Variants in CUBN observed in about 807,000 individuals in gnomAD.
CUBN encodes the protein cubilin, also known as 460 kDa receptor.
In CUBN, 282 loss-of-function variants were observed where a neutral mutation model predicts 405.3. The ratio of observed to expected loss-of-function variants is 0.70; its 90% confidence interval spans 0.63 to 0.77. CUBN has a LOEUF of 0.77. Ranked by LOEUF, CUBN falls within the 30% of genes least tolerant of loss-of-function variation. The pLI is 0.00. For missense variants in CUBN, 4,514 were observed against 4,475.2 expected, an observed-to-expected ratio of 1.01 and a Z score of -0.25; for synonymous variants, 1,684 against 1,617.0, an observed-to-expected ratio of 1.04 and a Z score of -0.99.
At chr10:16,907,091 G>A (rs1407250810) in intron 49 of CUBN, among the ~76,000 whole-genome samples, 1 of 152,214 alleles carries the variant, frequency 6.6e-6, no homozygotes, top group Non-Finnish European at 1.5e-5. Flanking sequence ...CTGGAAATAT[G>A]TGTGTGGATA....
intron 27 of CUBN, among the ~76,000 whole-genome samples, chr10:17,025,950 G>T (rs1219723300): frequency 6.6e-6 from 1 of 152,172 alleles, no homozygotes; most frequent in South Asian, 2.1e-4. Flanking sequence ...GAAACCAGAG[G>T]CTGTTAAGGC....
At chr10:16,843,242 T>A (rs1448430707) in intron 60 of CUBN, among the ~76,000 whole-genome samples, 1 of 152,124 alleles carries the variant, frequency 6.6e-6, no homozygotes, top group Admixed American at 6.5e-5. Flanking sequence ...CTGAAACACA[T>A]AACTAGAAAA....
At chr10:16,871,174 TCCACCACCATGC>T (rs1840342300) in intron 58 of CUBN, among the ~76,000 whole-genome samples, 1 of 151,746 alleles carries the variant, frequency 6.6e-6, no homozygotes, top group Non-Finnish European at 1.5e-5. Context: ...ATTACAGGTG[TCCACCACCATGC>T]CTGGCTATTT....
intron 36 of CUBN, among the ~76,000 whole-genome samples, chr10:16,946,650 C>CA (rs1316920456): frequency 6.6e-6 from 1 of 152,006 alleles, no homozygotes; most frequent in Non-Finnish European, 1.5e-5. Context: ...TGCCCGCCAC[C>CA]ACTCCTGGCT....
At chr10:17,106,367 C>T (rs138427709) in intron 10 of CUBN, among the ~76,000 whole-genome samples, 3,940 of 113,938 alleles carry the variant, frequency 0.035, 178 homozygotes, top group African/African-American at 0.1. Context: ...TTTGGGAGGC[C>T]GAGGCAGGCG....
At position 16,945,988 on chromosome 10, in the gene CUBN, C is replaced by T. The variant is rs75330002; in HGVS notation, c.5342+1247G>A. On this transcript the variant is annotated intron_variant, in intron 36 of 66. Transcript: ENST00000377833. The stretch of plus-strand genomic sequence containing the variant: ...GTTGTCCCATATTTTTAATCAGTTC[C>T]TGATGCACAGATTAGCAAGTCTTGG... Among the ~76,000 whole-genome samples the T allele has an allele frequency of 5.3e-3, 806 of 152,174 alleles. 10 individuals carry two copies. The highest frequency in any genetic ancestry group is 0.018 in the African/African-American group (764 of 41,524).
rs1181309427 is a variant in CUBN at position 17,109,632 on chromosome 10, G to C, written c.1111+8C>G. ...TACCCAAAGCCAAAGAGAGAGATGA[G>C]TCATTACCTAGAGTTGAGGAGCATG... On this transcript the variant is annotated splice_region_variant and intron_variant, in intron 10 of 66. Transcript: ENST00000377833. 1.9e-6 allele frequency: 3 copies of C among 1,609,286 alleles called. No individual in the cohort carries two copies. Among genetic ancestry groups the C allele is most frequent in the Non-Finnish European group, 2.6e-6 (3 of 1,175,634 alleles).
chr10:16,964,367 A>G (rs1012620280), intron 31 of CUBN, among the ~76,000 whole-genome samples: 20 of 152,220 alleles, frequency 1.3e-4, no homozygotes, highest in African/African-American at 4.3e-4. Context: ...TAGCCAAAGA[A>G]ACTATTTAAG....
Position 16,990,367 on chromosome 10 carries a change from C to A in CUBN, c.4317G>T (p.Glu1439Asp), listed in dbSNP as rs972768190. Residue 1439 changes from glutamate (E) to aspartate (D), a missense_variant, in exon 29 of 67, where the codon GAG (glutamate) becomes GAT (aspartate). Physicochemically the swap from Glu to Asp is conservative, Grantham distance 45 (BLOSUM62 2). Transcript: ENST00000377833. The stretch of plus-strand genomic sequence containing the variant: ...CATCAAAGTTGCACCTTGAATGATA[C>A]TCCACATCGAAGTCATGGATGGTGA... ...IQLTIHDFDV[E>D]YHSRCNFDVL... The A allele has an allele frequency of 6.2e-6, 10 of 1,614,096 alleles. No individual in the cohort carries two copies. Among genetic ancestry groups the A allele is most frequent in the Non-Finnish European group, 8.5e-6 (10 of 1,180,042 alleles).
intron 27 of CUBN, among the ~76,000 whole-genome samples, chr10:17,034,539 T>C (rs1834853599): frequency 6.6e-6 from 1 of 152,136 alleles, no homozygotes; most frequent in African/African-American, 2.4e-5. Flanking sequence ...TGGTCTCAAG[T>C]GCTGGACCAG....
chr10:16,904,046 G>C lies in CUBN; in HGVS notation c.7982C>G (p.Pro2661Arg). 1 of 1,613,374 alleles carries C rather than the reference G, an allele frequency of 6.2e-7. No homozygotes were observed. ...AAAGTGAATCCATACCTGAGAATAA[G>C]GTATAACCAATGGCAATGTAGGCTT... The part of the protein sequence containing the change: ...PSKPTLPLVI[P>R]YSQVWIHFVT... Residue 2661 changes from proline to arginine, a missense_variant, in exon 51 of 67, where the codon CCT (proline) becomes CGT (arginine). This residue lies in a region of CUBN where 25 missense variants were observed against 48.5 expected (regional missense o/e 0.52). Transcript: ENST00000377833.
At chr10:16,876,764 C>A (rs1198865956) in intron 57 of CUBN, 133 bp downstream of exon 57, 7 of 823,594 alleles carry the variant, frequency 8.5e-6, no homozygotes, top group Non-Finnish European at 1.2e-5. Context: ...TAACCATGAA[C>A]CTCACTGACA....
chr10:16,975,904 C>T (rs1833078468), intron 31 of CUBN, among the ~76,000 whole-genome samples: 1 of 151,698 alleles, frequency 6.6e-6, no homozygotes, highest in Admixed American at 6.6e-5. Context: ...GCTGGGATTA[C>T]AGTTGTGAGC....
chr10:17,087,787 G>T (rs1203726200), intron 15 of CUBN, among the ~76,000 whole-genome samples: 1 of 152,108 alleles, frequency 6.6e-6, no homozygotes, highest in Admixed American at 6.5e-5. Flanking sequence ...TTCGTGGAAT[G>T]CTACAGTTAA....
At chr10:16,976,545 T>C (rs1326333259) in intron 31 of CUBN, among the ~76,000 whole-genome samples, 1 of 152,034 alleles carries the variant, frequency 6.6e-6, no homozygotes, top group East Asian at 1.9e-4. Context: ...TATCCTGCTT[T>C]GCTGTTTGGG....
At chr10:17,127,984 TACAGTA>T in intron 2 of CUBN, 60 bp from the exon 3 acceptor site, 1 of 1,162,822 alleles carries the variant, frequency 8.6e-7, no homozygotes, top group Admixed American at 1.8e-5. Flanking sequence ...TATTTATCTT[TACAGTA>T]ACATAATTAA....
rs539848762 is a variant in CUBN, at chr10:17,035,867, CA to C, written c.4017+5165del. On this transcript the variant is annotated intron_variant, in intron 27 of 66. Transcript: ENST00000377833. ...GGAGGGTGGGAGGAGGGAGAGGATC[CA>C]AAAAAATAATGAGAACTAGGCTTAA... 6.7e-3 allele frequency among the ~76,000 whole-genome samples: 1,016 copies of C among 151,136 alleles called. 12 individuals are homozygous for C. The highest frequency in any genetic ancestry group is 0.023 in the African/African-American group (960 of 41,234).
At chr10:16,892,356 A>G (rs1474084826) in intron 54 of CUBN, among the ~76,000 whole-genome samples, 1 of 152,060 alleles carries the variant, frequency 6.6e-6, no homozygotes, top group Non-Finnish European at 1.5e-5. Flanking sequence ...AAATGCACCT[A>G]CTCAATTTTA....
intron 22 of CUBN, among the ~76,000 whole-genome samples, chr10:17,051,286 G>C (rs1410903665): frequency 6.6e-6 from 1 of 152,050 alleles, no homozygotes; most frequent in Middle Eastern, 3.2e-3. Flanking sequence ...GCTTGAACCT[G>C]GGAGGTGGAG....
Sources: allele counts gnomAD v4.1 joint callset (sites outside exome capture counted in the v4.1 genomes callset), GRCh38; gene constraint gnomAD v4.1.1; regional missense constraint gnomAD v4.1.1; transcripts MANE v1.5; gene names NCBI Gene and HGNC (gene_info 2026-07-23, HGNC 2026-07-21).